The following TUB variants were observed in gnomAD, a reference collection of about 807,000 sequenced individuals.
The protein encoded by TUB is tubby protein homolog.
In TUB, 33 loss-of-function variants were observed where a neutral mutation model predicts 59.7. The observed-to-expected ratio is 0.55, with a 90% CI of 0.42 to 0.74. The LOEUF is 0.74. Ranked by LOEUF, TUB falls within the 30% of genes least tolerant of loss-of-function variation. TUB has a pLI of 0.00. For synonymous variants in TUB, 293 were observed against 256.4 expected (o/e 1.14, Z -1.36); for missense variants, 659 against 672.0 (o/e 0.98, Z 0.21).
chr11:8,039,570 T>C (rs1942708761), intron 1 of TUB: 22 of 1,320,114 alleles, frequency 1.7e-5, no homozygotes, highest in Non-Finnish European at 2.1e-5. Flanking sequence ...TGACCAGGTG[T>C]GGCCAGGCAG....
At chr11:8,053,546 G>A (rs1326816851) in intron 2 of TUB, among the ~76,000 whole-genome samples, 1 of 151,502 alleles carries the variant, frequency 6.6e-6, no homozygotes, top group Non-Finnish European at 1.5e-5. Flanking sequence ...TGTCGCCCAG[G>A]CTGGAGTGCA....
At chr11:8,037,210 C>T (rs1167464275), upstream of TUB, among the ~76,000 whole-genome samples, 3 of 152,332 alleles carry the variant, frequency 2.0e-5, no homozygotes, top group East Asian at 5.8e-4. Context: ...TCCCTTGAGG[C>T]TGGCTGTGCA....
intron 3 of TUB, among the ~76,000 whole-genome samples, chr11:8,091,587 T>A (rs1943777558): frequency 6.6e-6 from 1 of 152,178 alleles, no homozygotes; most frequent in Non-Finnish European, 1.5e-5. Flanking sequence ...TGGTCTCTCC[T>A]CCATATTATG....
At chr11:8,072,588 A>G (rs1943379090) in intron 2 of TUB, among the ~76,000 whole-genome samples, 1 of 152,174 alleles carries the variant, frequency 6.6e-6, no homozygotes. Flanking sequence ...TCTAAGTACT[A>G]AATGTTGTCC....
intron 2 of TUB, chr11:8,067,990 A>T (rs1262784798): frequency 2.0e-5 from 3 of 152,272 alleles, no homozygotes; most frequent in Admixed American, 2.0e-4. Flanking sequence ...TCCAACATGC[A>T]GCTCTTCTAT....
intron 3 of TUB, among the ~76,000 whole-genome samples, chr11:8,091,547 A>G (rs1338139763): frequency 1.3e-5 from 2 of 152,158 alleles, no homozygotes; most frequent in African/African-American, 4.8e-5. Context: ...GCAGGGCTAG[A>G]ATTTGAACCC....
At chr11:8,031,718 C>G (rs1365086080) in intron 1 of TUB, among the ~76,000 whole-genome samples, 10 of 152,368 alleles carry the variant, frequency 6.6e-5, no homozygotes, top group Non-Finnish European at 4.4e-5. Context: ...CATGCGCGAT[C>G]TGCTGGCAGT....
chr11:8,047,958 A>G lies in TUB; in HGVS notation c.203+8266A>G, dbSNP rs563934730. 6.6e-5 allele frequency among the ~76,000 whole-genome samples: 10 copies of G among 152,248 alleles called. No individual in the cohort carries two copies. In the South Asian group the frequency reaches 2.1e-3, roughly 32 times the overall value. On this transcript the variant is annotated intron_variant, in intron 2 of 12. Transcript: ENST00000305253. ...GGGTCCCATTTGCTCATCCATTTTA[A>G]TAATTATTTATATCCTTCACTGTCA...
At chr11:8,041,400 G>A (rs1942748058) in intron 2 of TUB, among the ~76,000 whole-genome samples, 1 of 152,154 alleles carries the variant, frequency 6.6e-6, no homozygotes, top group Non-Finnish European at 1.5e-5. Context: ...TGACTTATAG[G>A]GCTGACTTAT....
At chr11:8,070,991 C>G (rs1278279214) in intron 2 of TUB, among the ~76,000 whole-genome samples, 1 of 152,140 alleles carries the variant, frequency 6.6e-6, no homozygotes, top group East Asian at 1.9e-4. Context: ...ATTATGTAAC[C>G]ACAGCTAACT....
upstream of TUB, among the ~76,000 whole-genome samples, chr11:8,078,493 C>T (rs1943485880): frequency 6.6e-6 from 1 of 152,060 alleles, no homozygotes; most frequent in Admixed American, 6.5e-5. Flanking sequence ...CATCATATGA[C>T]TTTCTGGAGT....
chr11:8,073,268 G>A (rs1055048737), intron 2 of TUB, among the ~76,000 whole-genome samples: 1 of 152,154 alleles, frequency 6.6e-6, no homozygotes, highest in Admixed American at 6.5e-5. Flanking sequence ...GCAGCAAAAG[G>A]GAAGGGCCAT....
In TUB at chr11:8,062,723, C is replaced by T. The variant is rs114188617; in HGVS notation, c.203+23031C>T. 4.4e-3 allele frequency among the ~76,000 whole-genome samples: 671 copies of T among 151,920 alleles called. 3 individuals carry two copies. The highest frequency in any genetic ancestry group is 0.016 in the African/African-American group (642 of 41,410). On this transcript the variant is annotated intron_variant, in intron 2 of 12. Transcript: ENST00000305253. Reference sequence around the variant, plus strand: ...AAAATGCACATTCCCAGGCTCTGCCCACAGGGACTCTAGGGCAGGGCCCAG... The same window carrying T: ...AAAATGCACATTCCCAGGCTCTGCCTACAGGGACTCTAGGGCAGGGCCCAG...
chr11:8,025,522 C>T (rs1942488987), intron 1 of TUB, among the ~76,000 whole-genome samples: 1 of 152,194 alleles, frequency 6.6e-6, no homozygotes, highest in Non-Finnish European at 1.5e-5. Context: ...CACCCATCCT[C>T]AGGGAACCAC....
intron 1 of TUB, among the ~76,000 whole-genome samples, chr11:8,031,241 T>C (rs1050696970): frequency 1.1e-4 from 16 of 150,434 alleles, no homozygotes; most frequent in African/African-American, 3.2e-4. Context: ...TCCTCTCTTT[T>C]GCCCTGCATT....
intron 1 of TUB, among the ~76,000 whole-genome samples, chr11:8,031,066 A>T (rs1942564606): frequency 1.3e-5 from 2 of 152,166 alleles, no homozygotes; most frequent in African/African-American, 4.8e-5. Flanking sequence ...CTGTGTGCAC[A>T]TCTGAGTGTG....
upstream of TUB, among the ~76,000 whole-genome samples, chr11:8,033,663 C>G (rs1197973999): frequency 6.6e-6 from 1 of 152,242 alleles, no homozygotes; most frequent in East Asian, 1.9e-4. Flanking sequence ...CTGCCCCAAC[C>G]CAGGGCCTGG....
chr11:8,094,536 T>C (rs1343039879), intron 4 of TUB, among the ~76,000 whole-genome samples: 1 of 152,232 alleles, frequency 6.6e-6, no homozygotes, highest in Non-Finnish European at 1.5e-5. Flanking sequence ...GGACACTCAC[T>C]GCACTGGGGG....
intron 1 of TUB, among the ~76,000 whole-genome samples, chr11:8,024,276 A>G (rs543428271): frequency 6.6e-6 from 1 of 152,290 alleles, no homozygotes; most frequent in South Asian, 2.1e-4. Context: ...CTTTCTTCTT[A>G]TAACACTAGA....
Sources: allele counts gnomAD v4.1 joint callset (sites outside exome capture counted in the v4.1 genomes callset), GRCh38; gene constraint gnomAD v4.1.1; transcripts MANE v1.5; gene names NCBI Gene and HGNC (gene_info 2026-07-23, HGNC 2026-07-21).